The following FAT4 variants were observed in gnomAD, a reference collection of about 807,000 sequenced individuals.
FAT4 encodes the protein protocadherin Fat 4.
Under a neutral mutation model 303.9 loss-of-function variants are expected in FAT4, and 84 were observed. The observed-to-expected ratio is 0.28, with a 90% CI of 0.23 to 0.33. The LOEUF (loss-of-function observed/expected upper bound fraction) is 0.33. Ranked by LOEUF, FAT4 falls within the 10% of genes least tolerant of loss-of-function variation. FAT4 has a pLI of 1.00. For missense variants in FAT4, 6,005 were observed against 6,146.8 expected, an observed-to-expected ratio of 0.98 and a Z score of 0.77; for synonymous variants, 2,307 against 2,298.8, an observed-to-expected ratio of 1.00 and a Z score of -0.10.
At chr4:125,347,696 A>G (rs972035050) in intron 2 of FAT4, among the ~76,000 whole-genome samples, 1 of 151,784 alleles carries the variant, frequency 6.6e-6, no homozygotes, top group Non-Finnish European at 1.5e-5. Context: ...ATCAGACTAC[A>G]ATAGAAATTA....
rs149792291 is a variant in FAT4 at position 125,404,274 on chromosome 4, T to G, written c.5308-2606T>G. On this transcript the variant is annotated intron_variant, in intron 3 of 17. Coordinates refer to ENST00000394329, the MANE Select transcript of FAT4 (RefSeq NM_001291303.3). ...TTGGGCCCCAACTGTATTCACAATC[T>G]GCCTTCTCTGGCCTCTCCCTACACT... is the stretch of plus-strand genomic sequence containing the variant. 2.5e-3 allele frequency among the ~76,000 whole-genome samples: 387 copies of G among 152,106 alleles called. 1 individual carries two copies. Among genetic ancestry groups the G allele is most frequent in the African/African-American group, 8.3e-3 (346 of 41,510 alleles).
At chr4:125,380,067 A>AT (rs1438632345) in intron 2 of FAT4, among the ~76,000 whole-genome samples, 3 of 151,812 alleles carry the variant, frequency 2.0e-5, no homozygotes, top group African/African-American at 7.3e-5. Flanking sequence ...CTAATTTTGT[A>AT]TTTTTAGTAG....
rs116568645 is a variant in FAT4, at chr4:125,434,329, C to T, written c.7103C>T (p.Ala2368Val). 1.2e-6 allele frequency: 2 copies of T among 1,613,942 alleles called. No homozygotes were observed. Among genetic ancestry groups the T allele is most frequent in the East Asian group, 2.2e-5 (1 of 44,858 alleles). ...AATGTCCCCACATTTGCCAGTAAAG[C>T]GTATTTCACAACAATTCCTGAGGAT... is the stretch of plus-strand genomic sequence containing the variant. ...NDNVPTFASKAYFTTIPEDAP... is the reference protein window; with the variant it reads ...NDNVPTFASKVYFTTIPEDAP... Residue 2368 changes from alanine (A) to valine (V), a missense_variant, in exon 8 of 18, where the codon GCG becomes GTG. Physicochemically the swap from Ala to Val is moderately conservative, Grantham distance 64. Coordinates refer to ENST00000394329, the MANE Select transcript of FAT4 (RefSeq NM_001291303.3).
intron 2 of FAT4, among the ~76,000 whole-genome samples, chr4:125,324,073 T>G (rs1344326925): frequency 1.3e-5 from 2 of 152,216 alleles, no homozygotes; most frequent in Non-Finnish European, 2.9e-5. Context: ...ACTTGTTATA[T>G]CCAAAGATTT....
chr4:125,397,656 T>C (rs1251798628), intron 2 of FAT4, among the ~76,000 whole-genome samples: 3 of 152,196 alleles, frequency 2.0e-5, no homozygotes, highest in Non-Finnish European at 4.4e-5. Flanking sequence ...TTTTTATAAA[T>C]TGCTCATTTA....
intron 6 of FAT4, 97 bp downstream of exon 6, chr4:125,415,903 T>C: frequency 1.1e-6 from 1 of 908,156 alleles, no homozygotes. Flanking sequence ...CCCTGTTCTC[T>C]CCTCATTCTC....
chr4:125,458,856 CA>C (rs962068456), intron 10 of FAT4, among the ~76,000 whole-genome samples: 2 of 151,596 alleles, frequency 1.3e-5, no homozygotes, highest in Admixed American at 1.3e-4. Context: ...TGTTTCAATG[CA>C]AAAAAGCCAT....
rs775415315 is a variant in FAT4, at chr4:125,316,078, C to T, written c.-13+101C>T. Among the ~76,000 whole-genome samples the T allele has an allele frequency of 1.3e-5, 2 of 152,172 alleles. No individual in the cohort carries two copies. The highest frequency in any genetic ancestry group is 1.5e-5 in the Non-Finnish European group (1 of 68,034). On this transcript the variant is annotated intron_variant, in intron 1 of 17. Coordinates refer to ENST00000394329, the MANE Select transcript of FAT4 (RefSeq NM_001291303.3). The surrounding 1 kb of genome is among the most constrained non-coding windows in gnomAD (Gnocchi z 5.7). The stretch of plus-strand genomic sequence containing the variant: ...ACTCTCATCCACCCGGGTGAAAACG[C>T]TCAGACTATCTGGATTCAAAAACAA...
chr4:125,336,758 G>T (rs1731592522), intron 2 of FAT4, among the ~76,000 whole-genome samples: 1 of 151,764 alleles, frequency 6.6e-6, no homozygotes, highest in Non-Finnish European at 1.5e-5. Context: ...ATGAAACAAG[G>T]TACCACTCTT....
At chr4:125,393,394 T>C (rs1388468499) in intron 2 of FAT4, among the ~76,000 whole-genome samples, 1 of 152,160 alleles carries the variant, frequency 6.6e-6, no homozygotes, top group Non-Finnish European at 1.5e-5. Flanking sequence ...ATCTTCTACT[T>C]TCATAATATC....
At chr4:125,331,435 T>G (rs1731378106) in intron 2 of FAT4, among the ~76,000 whole-genome samples, 2 of 152,184 alleles carry the variant, frequency 1.3e-5, no homozygotes, top group Non-Finnish European at 1.5e-5. Context: ...GTTAACTGAT[T>G]GGAAAAGACT....
chr4:125,453,456 C>T (rs1335235450), intron 10 of FAT4, among the ~76,000 whole-genome samples: 1 of 152,070 alleles, frequency 6.6e-6, no homozygotes, highest in African/African-American at 2.4e-5. Flanking sequence ...TGCCTGTAAT[C>T]CCAGCACTTT....
At chr4:125,385,772 T>A (rs1229714575) in intron 2 of FAT4, among the ~76,000 whole-genome samples, 1 of 152,156 alleles carries the variant, frequency 6.6e-6, no homozygotes, top group African/African-American at 2.4e-5. Flanking sequence ...TTTTGCACAT[T>A]ATTTTCTTTC....
rs746351350 is a variant in FAT4, at chr4:125,491,724, A to T, written c.14908A>T (p.Thr4970Ser). The change falls in exon 18 of 18, where the codon ACT becomes TCT. Residue 4970 changes from threonine (T) to serine (S), a missense_variant. By Grantham distance (58) the Thr-to-Ser change is moderately conservative. Coordinates refer to ENST00000394329, the MANE Select transcript of FAT4 (RefSeq NM_001291303.3). The part of the protein sequence containing the change: ...AANEEGKAGT[T>S]KPVPKDGEAE... ...AAATGAAGAAGGCAAAGCTGGGACA[A>T]CTAAACCAGTCCCCAAAGATGGGGA... The T allele has an allele frequency of 1.9e-6, 3 of 1,614,004 alleles. No individual in the cohort carries two copies. The highest frequency in any genetic ancestry group is 2.5e-6 in the Non-Finnish European group (3 of 1,179,904).
intron 2 of FAT4, among the ~76,000 whole-genome samples, chr4:125,333,900 A>G (rs141892101): frequency 6.6e-4 from 100 of 152,270 alleles, no homozygotes; most frequent in African/African-American, 2.3e-3. Flanking sequence ...AGTCACTAAT[A>G]TCCTAAGGCT....
chr4:125,401,744 A>AAACAC (rs3034202), intron 3 of FAT4, among the ~76,000 whole-genome samples: 1 of 151,822 alleles, frequency 6.6e-6, no homozygotes, highest in Non-Finnish European at 1.5e-5. Context: ...TCCCTTTTAT[A>AAACAC]AATTATGCTA....
intron 15 of FAT4, among the ~76,000 whole-genome samples, chr4:125,480,490 C>A (rs17009779): frequency 0.26 from 39,855 of 151,940 alleles, 6,045 homozygotes; most frequent in East Asian, 0.58. Flanking sequence ...CACTAACTAA[C>A]CCTAATGGTT....
At chr4:125,332,404 T>C (rs944728928) in intron 2 of FAT4, among the ~76,000 whole-genome samples, 9 of 152,192 alleles carry the variant, frequency 5.9e-5, no homozygotes, top group Non-Finnish European at 1.3e-4. Flanking sequence ...AATTTAGTAA[T>C]AGTTATAACC....
At chr4:125,441,477 A>G (rs1725658921) in intron 8 of FAT4, among the ~76,000 whole-genome samples, 2 of 152,206 alleles carry the variant, frequency 1.3e-5, no homozygotes, top group Non-Finnish European at 2.9e-5. Flanking sequence ...AAAAAATTCA[A>G]AATTTCTTTC....
Sources: gnomAD v4.1 joint callset for allele counts (sites outside exome capture counted in the v4.1 genomes callset) on GRCh38, gnomAD v4.1.1 for gene constraint, Gnocchi (gnomAD v3.1) non-coding constraint, MANE v1.5 for transcripts, NCBI Gene and HGNC (gene_info 2026-07-23, HGNC 2026-07-21) for gene names.